The following GMEB2 variants were observed in gnomAD, a reference collection of about 807,000 sequenced individuals.
GMEB2 encodes the protein glucocorticoid modulatory element binding protein 2.
GMEB2 carries 7 observed loss-of-function variants against 45.7 expected under a neutral mutation model. The ratio of observed to expected loss-of-function variants is 0.15; its 90% CI spans 0.09 to 0.29. The LOEUF (loss-of-function observed/expected upper bound fraction) is 0.29, where lower values mean the gene tolerates loss of function less well. GMEB2 is among the 10% of genes least tolerant of loss of function. GMEB2 has a pLI of 1.00. For missense variants in GMEB2, 582 were observed against 739.2 expected, an observed-to-expected ratio of 0.79 and a Z score of 2.47; for synonymous variants, 322 against 323.6, an observed-to-expected ratio of 1.00 and a Z score of 0.05.
In GMEB2 at chr20:63,621,820, T is replaced by C. The variant is rs1040199554; in HGVS notation, c.-57-2366A>G. On this transcript the variant is annotated intron_variant, in intron 1 of 9. Transcript: ENST00000370077. ...CTAGAAAGTACAGAATATAAAAACT[T>C]TTTAAACAAAGAAAAATTTTCATGG... Among the ~76,000 whole-genome samples the C allele has an allele frequency of 6.6e-5, 10 of 152,108 alleles. No individual in the cohort carries two copies. The East Asian group carries it at 1.9e-3, about 29-fold the overall frequency.
In GMEB2 at chr20:63,590,084, G is replaced by C; in HGVS notation, c.*5C>G. On this transcript the variant is annotated 3_prime_UTR_variant, in exon 10 of 10. Coordinates refer to ENST00000370077, the MANE Select transcript of GMEB2 (RefSeq NM_012384.5). ...TCCGTCCCAGGGGCCTCGCCCTCCT[G>C]TCGGCTACTTCCGCTCGTGGTCCTC... 1 of 1,502,238 alleles carries C rather than the reference G, an allele frequency of 6.7e-7. No homozygotes were observed. The highest frequency in any genetic ancestry group is 2.3e-5 in the East Asian group (1 of 43,178). The allele number at this position is 1,502,238 out of a possible 1,614,324, so 93.1% of individuals were successfully genotyped here. A position where few individuals can be genotyped will look rare whatever the true frequency, so the allele number is the denominator to read the frequency against.
chr20:63,615,526 T>C (rs1367720028), intron 2 of GMEB2, among the ~76,000 whole-genome samples: 2 of 152,132 alleles, frequency 1.3e-5, no homozygotes, highest in African/African-American at 4.8e-5. Context: ...GAGGTTTCAC[T>C]ATGTTGCTCG....
intron 5 of GMEB2, 127 bp from the exon 6 acceptor site, chr20:63,595,894 G>A (rs1193145430): frequency 4.0e-6 from 3 of 740,990 alleles, no homozygotes; most frequent in African/African-American, 3.5e-5. Context: ...CAGCTCCACA[G>A]GGCAGGGTGG....
rs764731712 is a variant in GMEB2 at position 63,590,737 on chromosome 20, G to A, written c.953-8C>T. ...CACACTGCTGCTCCAGGGCTGCAGGGAGGTACAGATGGCATCACACAGGGG... is the reference window on the plus strand; with the variant it reads ...CACACTGCTGCTCCAGGGCTGCAGGAAGGTACAGATGGCATCACACAGGGG... On this transcript the variant is annotated splice_polypyrimidine_tract_variant and splice_region_variant and intron_variant, in intron 9 of 9. Coordinates refer to ENST00000370077, the MANE Select transcript of GMEB2 (RefSeq NM_012384.5). 72 of 1,490,654 alleles carry A rather than the reference G, an allele frequency of 4.8e-5. No homozygotes were observed. Among genetic ancestry groups the A allele is most frequent in the Non-Finnish European group, 6.3e-5 (70 of 1,114,480 alleles). 92.3% of individuals were successfully genotyped at this position (1,490,654 alleles called of 1,614,324 possible).
chr20:63,610,476 G>A (rs1441874309), intron 2 of GMEB2, among the ~76,000 whole-genome samples: 10 of 152,244 alleles, frequency 6.6e-5, no homozygotes, highest in African/African-American at 7.2e-5. Flanking sequence ...AGCCGAGATC[G>A]CGCCATTGCA....
In GMEB2 at chr20:63,624,196, C is replaced by T. The variant is rs1008187506; in HGVS notation, c.-58+2760G>A. Among the ~76,000 whole-genome samples the T allele has an allele frequency of 1.3e-4, 19 of 151,384 alleles. No individual in the cohort carries two copies. In the East Asian group the frequency reaches 3.3e-3, roughly 26 times the overall value. ...CTTTGGAAGGCCGAGGCGGGTGGAT[C>T]ACCTGAGGTCAGGAATTCAAGACCA... On this transcript the variant is annotated intron_variant, in intron 1 of 9. Transcript: ENST00000370077.
In GMEB2 at chr20:63,592,545, G is replaced by T. The variant is rs2083156572; in HGVS notation, c.817C>A (p.Leu273Met). 6.2e-7 allele frequency: 1 copy of T among 1,611,588 alleles called. No homozygotes were observed. Among genetic ancestry groups the T allele is most frequent in the Non-Finnish European group, 8.5e-7 (1 of 1,178,388 alleles). Residue 273 changes from leucine (L) to methionine (M), a missense_variant, in exon 8 of 10, where the codon CTG becomes ATG. Leu to Met is a conservative substitution (Grantham distance 15, BLOSUM62 2). Transcript: ENST00000370077. This position sits in a 1 kb window ranked among gnomAD's most constrained non-coding sequence, Gnocchi z 8.2. ...GLQQRVQDPP[L>M]QLRDAVLLNN... Reference sequence around the variant, plus strand: ...TGCAGCTTCTCACCTCGAAGCTGCAGGGGAGGGTCCTGGACCCGCTGCTGC... The same window carrying T: ...TGCAGCTTCTCACCTCGAAGCTGCATGGGAGGGTCCTGGACCCGCTGCTGC...
At chr20:63,602,021 G>C (rs1349466474) in intron 4 of GMEB2, among the ~76,000 whole-genome samples, 1 of 152,068 alleles carries the variant, frequency 6.6e-6, no homozygotes, top group Non-Finnish European at 1.5e-5. Context: ...GGCTTCTGTG[G>C]GGCCTGTGGC....
intron 2 of GMEB2, among the ~76,000 whole-genome samples, chr20:63,605,245 C>T (rs937780224): frequency 2.6e-5 from 4 of 151,062 alleles, no homozygotes; most frequent in African/African-American, 9.7e-5. Context: ...TCTCAAAAAA[C>T]AAAAAGGCCA....
chr20:63,600,515 C>T (rs1401353391), intron 4 of GMEB2, among the ~76,000 whole-genome samples: 1 of 151,112 alleles, frequency 6.6e-6, no homozygotes, highest in African/African-American at 2.4e-5. Flanking sequence ...GTCAGGAGTT[C>T]GGGCTCAGCC....
chr20:63,591,950 T>C lies in GMEB2; in HGVS notation c.952+72A>G, dbSNP rs112077689. 6.5e-4 allele frequency: 890 copies of C among 1,374,958 alleles called. 10 individuals are homozygous for C. The African/African-American group carries it at 0.011, about 17-fold the overall frequency. The allele number at this position is 1,374,958 out of a possible 1,614,324, so 85.2% of individuals were successfully genotyped here. On this transcript the variant is annotated intron_variant, in intron 9 of 9. Coordinates refer to ENST00000370077, the MANE Select transcript of GMEB2 (RefSeq NM_012384.5). ...GGAAGTGCAGGTGGATGCACAGCCG[T>C]GGGGTGAGCCCGTGGGCTCCAGGTC... is the stretch of plus-strand genomic sequence containing the variant.
Position 63,618,438 on chromosome 20 carries a change from A to G in GMEB2, c.131+829T>C, listed in dbSNP as rs2089623870. Among the ~76,000 whole-genome samples, 4 of 152,202 alleles carry G rather than the reference A, an allele frequency of 2.6e-5. No homozygotes were observed. In the South Asian group the frequency reaches 8.3e-4, roughly 31 times the overall value. ...CCACAGCAAGGGAAGAAAGGCAGGA[A>G]GGAACTCAGGGCCAGGTCCTCCCAG... On this transcript the variant is annotated intron_variant, in intron 2 of 9. Coordinates refer to ENST00000370077, the MANE Select transcript of GMEB2 (RefSeq NM_012384.5).
At chr20:63,598,515 A>G (rs1458475298) in intron 4 of GMEB2, among the ~76,000 whole-genome samples, 1 of 152,178 alleles carries the variant, frequency 6.6e-6, no homozygotes, top group East Asian at 1.9e-4. Context: ...ATAAAACTGC[A>G]TTTACTTAGA....
chr20:63,606,147 TA>T (rs2089517289), intron 2 of GMEB2, among the ~76,000 whole-genome samples: 1 of 151,908 alleles, frequency 6.6e-6, no homozygotes, highest in Non-Finnish European at 1.5e-5. Context: ...CCCAACCTCA[TA>T]AAAAACTAAA....
Position 63,619,149 on chromosome 20 carries a change from A to G in GMEB2, c.131+118T>C. On this transcript the variant is annotated intron_variant, in intron 2 of 9. Transcript: ENST00000370077. This position sits in a 1 kb window ranked among gnomAD's most constrained non-coding sequence, Gnocchi z 4.6. ...CACACACATTTGAGTCCAGTCTCAG[A>G]AGAACTGGAACTAGAAAAATCCTGA... The G allele has an allele frequency of 3.9e-6, 4 of 1,019,780 alleles. No homozygotes were observed. The highest frequency in any genetic ancestry group is 5.5e-6 in the Non-Finnish European group (4 of 723,546). 63.2% of individuals were successfully genotyped at this position (1,019,780 alleles called of 1,614,324 possible).
chr20:63,597,444 G>A (rs2083208583), intron 5 of GMEB2, among the ~76,000 whole-genome samples: 1 of 152,156 alleles, frequency 6.6e-6, no homozygotes, highest in African/African-American at 2.4e-5. Flanking sequence ...GATTGCAGGT[G>A]TGAGCCATGT....
rs1007478122 is a variant in GMEB2, at chr20:63,593,360, C to A, written c.620-278G>T. Among the ~76,000 whole-genome samples the A allele has an allele frequency of 6.6e-6, 1 of 152,066 alleles. No individual in the cohort carries two copies. The highest frequency in any genetic ancestry group is 1.5e-5 in the Non-Finnish European group (1 of 68,012). ...ATTTCAGCAAATCCTCAACACTTTC[C>A]TCCTCTTGTCCATTTACGATTGTAC... On this transcript the variant is annotated intron_variant, in intron 6 of 9. Coordinates refer to ENST00000370077, the MANE Select transcript of GMEB2 (RefSeq NM_012384.5). This position sits in a 1 kb window ranked among gnomAD's most constrained non-coding sequence, Gnocchi z 4.7.
chr20:63,615,052 G>A (rs747277811), intron 2 of GMEB2, among the ~76,000 whole-genome samples: 3 of 151,974 alleles, frequency 2.0e-5, no homozygotes, highest in Non-Finnish European at 4.4e-5. Context: ...CTCCGCATAC[G>A]AGGAGAAAAC....
In GMEB2 at chr20:63,592,288, C is replaced by T. The variant is rs777299443; in HGVS notation, c.830-144G>A. 4.4e-5 allele frequency: 35 copies of T among 792,530 alleles called. No homozygotes were observed. The highest frequency in any genetic ancestry group is 1.4e-4 in the Admixed American group (5 of 36,362). 49.1% of individuals were successfully genotyped at this position (792,530 alleles called of 1,614,324 possible). Reference sequence around the variant, plus strand: ...GGGCTCTTCCTAGAGAGTGAGAACACCACCACTGAGGCTGCTCCTCAGGAA... The same window carrying T: ...GGGCTCTTCCTAGAGAGTGAGAACATCACCACTGAGGCTGCTCCTCAGGAA... On this transcript the variant is annotated intron_variant, in intron 8 of 9. Coordinates refer to ENST00000370077, the MANE Select transcript of GMEB2 (RefSeq NM_012384.5). This position sits in a 1 kb window ranked among gnomAD's most constrained non-coding sequence, Gnocchi z 8.2.
Sources: allele counts gnomAD v4.1 joint callset (sites outside exome capture counted in the v4.1 genomes callset), GRCh38; gene constraint gnomAD v4.1.1; non-coding constraint Gnocchi (gnomAD v3.1); transcripts MANE v1.5; gene names NCBI Gene and HGNC (gene_info 2026-07-23, HGNC 2026-07-21).